Variants in SEMA5A observed in about 807,000 individuals in gnomAD.
The protein encoded by SEMA5A is semaphorin-5A.
A neutral mutation model predicts 135.5 loss-of-function variants in SEMA5A; 55 were observed. That is an observed-to-expected ratio of 0.41 (90% CI 0.33 to 0.51). The LOEUF (loss-of-function observed/expected upper bound fraction) is 0.51. Ranked by LOEUF, SEMA5A falls within the 20% of genes least tolerant of loss-of-function variation. SEMA5A has a pLI of 0.37. For synonymous variants in SEMA5A, 580 were observed against 546.5 expected (o/e 1.06, Z -0.85); for missense variants, 1,290 against 1,419.9 (o/e 0.91, Z 1.47).
chr5:9,090,415 A>G (rs1579374300), intron 16 of SEMA5A, among the ~76,000 whole-genome samples: 1 of 152,142 alleles, frequency 6.6e-6, no homozygotes, highest in Admixed American at 6.6e-5. Flanking sequence ...GCCTTTGCCT[A>G]CTCCTAAAGG....
intron 2 of SEMA5A, among the ~76,000 whole-genome samples, chr5:9,386,269 T>C (rs981623099): frequency 1.3e-5 from 2 of 152,122 alleles, no homozygotes; most frequent in Admixed American, 1.3e-4. Flanking sequence ...AGCCATGCCC[T>C]ACACACCCTG....
chr5:9,250,520 C>T (rs1748719760), intron 5 of SEMA5A, among the ~76,000 whole-genome samples: 1 of 152,142 alleles, frequency 6.6e-6, no homozygotes. Flanking sequence ...AGACCGAATT[C>T]ATACAATGTT....
chr5:9,490,747 G>T (rs1734962584), intron 1 of SEMA5A, among the ~76,000 whole-genome samples: 1 of 152,194 alleles, frequency 6.6e-6, no homozygotes, highest in South Asian at 2.1e-4. Context: ...AACCTACTTA[G>T]AGAGGTCTAA....
At chr5:9,070,583 T>G (rs1387224827) in intron 16 of SEMA5A, among the ~76,000 whole-genome samples, 2 of 152,174 alleles carry the variant, frequency 1.3e-5, no homozygotes, top group East Asian at 3.9e-4. Flanking sequence ...TTTTGAAATG[T>G]ATGAGGGGCA....
intron 9 of SEMA5A, 94 bp downstream of exon 9, chr5:9,201,861 C>T (rs40683): frequency 0.47 from 583,377 of 1,243,492 alleles, 139,254 homozygotes; most frequent in Non-Finnish European, 0.49. Flanking sequence ...AAGATTTTCT[C>T]TAAAGTAAAT....
intron 14 of SEMA5A, among the ~76,000 whole-genome samples, chr5:9,119,403 A>G (rs552418919): frequency 6.6e-6 from 1 of 152,388 alleles, no homozygotes; most frequent in Non-Finnish European, 1.5e-5. Context: ...AATGGACTAT[A>G]TTAGAAACTA....
rs1750565354 is a variant in SEMA5A, at chr5:9,281,965, AC to A, written c.270+36406del. On this transcript the variant is annotated intron_variant, in intron 5 of 22. Coordinates refer to ENST00000382496, the MANE Select transcript of SEMA5A (RefSeq NM_003966.3). ...GTAGCTGGGATTACAGGCACTTGCC[AC>A]CACGCCCAGCTAATTTTTGTATTTT... 4.6e-5 allele frequency among the ~76,000 whole-genome samples: 7 copies of A among 151,814 alleles called. No individual in the cohort carries two copies. The South Asian group carries it at 1.5e-3, about 32-fold the overall frequency.
At chr5:9,199,047 C>T (rs1174729941) in intron 9 of SEMA5A, among the ~76,000 whole-genome samples, 2 of 152,178 alleles carry the variant, frequency 1.3e-5, no homozygotes, top group African/African-American at 2.4e-5. Context: ...AAGTCACAGG[C>T]TGCAGAGAAA....
At chr5:9,133,117 T>C (rs1218731803) in intron 13 of SEMA5A, among the ~76,000 whole-genome samples, 1 of 152,242 alleles carries the variant, frequency 6.6e-6, no homozygotes, top group African/African-American at 2.4e-5. Flanking sequence ...GAAATGATTA[T>C]ATATGATAGA....
At chr5:9,316,530 G>A (rs980702278) in intron 5 of SEMA5A, among the ~76,000 whole-genome samples, 2 of 152,128 alleles carry the variant, frequency 1.3e-5, no homozygotes, top group Non-Finnish European at 2.9e-5. Context: ...ATATGCCAGA[G>A]AGTATACCAT....
chr5:9,142,907 G>A (rs756824124), intron 12 of SEMA5A, among the ~76,000 whole-genome samples: 9 of 152,186 alleles, frequency 5.9e-5, no homozygotes, highest in East Asian at 1.9e-4. Flanking sequence ...AGCTGAGATC[G>A]TGCCATTGCA....
intron 17 of SEMA5A, among the ~76,000 whole-genome samples, chr5:9,065,958 A>T (rs989082340): frequency 2.6e-5 from 4 of 152,258 alleles, no homozygotes; most frequent in African/African-American, 9.6e-5. Flanking sequence ...CTATTCTAGT[A>T]TCCTTACACA....
At chr5:9,331,711 T>C (rs1753137653) in intron 4 of SEMA5A, among the ~76,000 whole-genome samples, 1 of 152,246 alleles carries the variant, frequency 6.6e-6, no homozygotes, top group Non-Finnish European at 1.5e-5. Context: ...AGTCTGGTGA[T>C]GCTTGATTCC....
chr5:9,499,669 T>C (rs1294269534), intron 1 of SEMA5A, among the ~76,000 whole-genome samples: 1 of 152,208 alleles, frequency 6.6e-6, no homozygotes, highest in Non-Finnish European at 1.5e-5. Context: ...CTTTAGTATT[T>C]TACTTCTCTT....
rs1753718205 is a variant in SEMA5A, at chr5:9,343,030, T to C, written c.125-5218A>G. 2.0e-5 allele frequency among the ~76,000 whole-genome samples: 3 copies of C among 152,210 alleles called. No individual in the cohort carries two copies. The South Asian group carries it at 6.2e-4, about 32-fold the overall frequency. The stretch of plus-strand genomic sequence containing the variant: ...AGTTACTCTATTCCCATTGATAGAC[T>C]GTTAAGCAAAATCACTACGCACTCA... On this transcript the variant is annotated intron_variant, in intron 3 of 22. Transcript: ENST00000382496.
intron 21 of SEMA5A, chr5:9,045,961 A>G (rs1401491229): frequency 2.0e-5 from 3 of 152,370 alleles, no homozygotes; most frequent in Admixed American, 1.3e-4. Flanking sequence ...GTGAAATACT[A>G]CTATTAAAGT....
At chr5:9,346,029 C>T (rs1368587488) in intron 3 of SEMA5A, among the ~76,000 whole-genome samples, 1 of 152,076 alleles carries the variant, frequency 6.6e-6, no homozygotes, top group Non-Finnish European at 1.5e-5. Context: ...CCCAAAGTGA[C>T]AACTTATATT....
chr5:9,425,183 ATGAACCCATC>A (rs1204933549), intron 2 of SEMA5A, among the ~76,000 whole-genome samples: 22 of 150,040 alleles, frequency 1.5e-4, no homozygotes, highest in Non-Finnish European at 3.0e-5. Flanking sequence ...TCTCTGTCAC[ATGAACCCATC>A]TGAATTCTTT....
intron 5 of SEMA5A, among the ~76,000 whole-genome samples, chr5:9,298,583 CA>C (rs2030886780): frequency 6.6e-6 from 1 of 152,108 alleles, no homozygotes; most frequent in Non-Finnish European, 1.5e-5. Context: ...CCTAAATAAA[CA>C]AAAATACATA....
Sources: allele counts gnomAD v4.1 joint callset (sites outside exome capture counted in the v4.1 genomes callset), GRCh38; gene constraint gnomAD v4.1.1; transcripts MANE v1.5; gene names NCBI Gene and HGNC (gene_info 2026-07-23, HGNC 2026-07-21).